The following GAD2 variants were observed in gnomAD, a reference collection of about 807,000 sequenced individuals.
GAD2 encodes glutamate decarboxylase 2.
Under a neutral mutation model 80.1 loss-of-function variants are expected in GAD2, and 22 were observed. That is an observed-to-expected ratio of 0.27 (90% CI 0.20 to 0.39). The LOEUF is 0.39. Ranked by LOEUF, GAD2 falls within the 10% of genes least tolerant of loss-of-function variation. The probability of loss-of-function intolerance (pLI) is 1.00; values close to 1 mark genes in which losing one functional copy is unlikely to be tolerated. For missense variants in GAD2, 624 were observed against 738.4 expected (o/e 0.85, Z 1.80); for synonymous variants, 274 against 256.9 (o/e 1.07, Z -0.64).
chr10:26,282,574 G>A (rs1845283372), intron 12 of GAD2, among the ~76,000 whole-genome samples: 1 of 151,778 alleles, frequency 6.6e-6, no homozygotes, highest in African/African-American at 2.4e-5. Context: ...TGATTTTAAT[G>A]GCCTCATATT....
At chr10:26,299,664 A>G (rs77141772) in intron 15 of GAD2, among the ~76,000 whole-genome samples, 10,491 of 152,290 alleles carry the variant, frequency 0.069, 447 homozygotes, top group Non-Finnish European at 0.098. Flanking sequence ...GCCCTCCAGG[A>G]CCTGACAGTT....
chr10:26,257,732 C>T (rs1844961019), intron 8 of GAD2, among the ~76,000 whole-genome samples: 1 of 152,332 alleles, frequency 6.6e-6, no homozygotes, highest in Admixed American at 6.5e-5. Flanking sequence ...AGTTAGACTA[C>T]ACTTCCCTGT....
intron 10 of GAD2, among the ~76,000 whole-genome samples, chr10:26,272,154 A>G (rs1172613086): frequency 1.3e-5 from 2 of 152,262 alleles, no homozygotes; most frequent in Non-Finnish European, 2.9e-5. Flanking sequence ...AGCAATCACC[A>G]ATGTTCTTTA....
In GAD2 at chr10:26,275,718, C is replaced by T. The variant is rs537036302; in HGVS notation, c.1157+2018C>T. ...CCACAAGTTTAGGAAAGAAATGTGT[C>T]TCACTTAGGGAATGACATTTTTCCA... On this transcript the variant is annotated intron_variant, in intron 11 of 15. Transcript: ENST00000376261. Among the ~76,000 whole-genome samples the T allele has an allele frequency of 2.0e-5, 3 of 152,352 alleles. No homozygotes were observed. The East Asian group carries it at 5.8e-4, about 29-fold the overall frequency.
intron 10 of GAD2, 91 bp downstream of exon 10, chr10:26,270,847 C>A: frequency 1.2e-6 from 1 of 868,734 alleles, no homozygotes; most frequent in Non-Finnish European, 1.9e-6. Context: ...CTTTTTTTAA[C>A]TTGGTCAGCT....
In GAD2 at chr10:26,303,562, T is replaced by G. The variant is rs1216789068; in HGVS notation, c.*2601T>G. On this transcript the variant is annotated 3_prime_UTR_variant, in exon 16 of 16. Coordinates refer to ENST00000376261, the MANE Select transcript of GAD2 (RefSeq NM_001134366.2). The stretch of plus-strand genomic sequence containing the variant: ...TTAGCCCAAATTCCCAGTGCCATGG[T>G]CTTTATGTGTGCCCATTCTTTACAA... The G allele has an allele frequency of 1.3e-5, 2 of 151,608 alleles. No homozygotes were observed. Among genetic ancestry groups the G allele is most frequent in the African/African-American group, 4.8e-5 (2 of 41,342 alleles). 9.4% of individuals were successfully genotyped at this position (151,608 alleles called of 1,614,324 possible).
chr10:26,294,583 C>T (rs1478649277), intron 15 of GAD2, among the ~76,000 whole-genome samples: 1 of 152,114 alleles, frequency 6.6e-6, no homozygotes, highest in Non-Finnish European at 1.5e-5. Flanking sequence ...CTAGATGATT[C>T]CAATGTGCAC....
intron 12 of GAD2, among the ~76,000 whole-genome samples, chr10:26,284,298 G>T (rs1845304237): frequency 6.6e-6 from 1 of 152,164 alleles, no homozygotes; most frequent in Non-Finnish European, 1.5e-5. Flanking sequence ...GCTTACTGGG[G>T]CCCTTAATAT....
Position 26,216,999 on chromosome 10 carries a change from G to C in GAD2, c.76+114G>C, listed in dbSNP as rs945755049. 8.9e-6 allele frequency: 8 copies of C among 894,030 alleles called. No homozygotes were observed. In the Admixed American group the frequency reaches 9.1e-5, roughly 10 times the overall value. The allele number at this position is 894,030 out of a possible 1,614,324, so 55.4% of individuals were successfully genotyped here. A position where few individuals can be genotyped will look rare whatever the true frequency, so the allele number is the denominator to read the frequency against. ...CACCTGCAACAGGAAACTTCTTCGG[G>C]CGCTTCTCCCTGCTTTTGGGCTAAG... is the stretch of plus-strand genomic sequence containing the variant. On this transcript the variant is annotated intron_variant, in intron 1 of 15. Coordinates refer to ENST00000376261, the MANE Select transcript of GAD2 (RefSeq NM_001134366.2). This position sits in a 1 kb window ranked among gnomAD's most constrained non-coding sequence, Gnocchi z 4.7.
chr10:26,300,676 T>C, intron 15 of GAD2, 112 bp from the exon 16 acceptor site: 1 of 907,532 alleles, frequency 1.1e-6, no homozygotes. Flanking sequence ...GAGAAAACAA[T>C]AAGGTTCTGA....
In GAD2 at chr10:26,301,150, C is replaced by G. The variant is rs1451403622; in HGVS notation, c.*189C>G. On this transcript the variant is annotated 3_prime_UTR_variant, in exon 16 of 16. Transcript: ENST00000376261. Reference sequence around the variant, plus strand: ...GTCCTTTCTTAAGTTTAGAATACCTCTCTAAGAATTCGTGACAAAAGGCTA... The same window carrying G: ...GTCCTTTCTTAAGTTTAGAATACCTGTCTAAGAATTCGTGACAAAAGGCTA... 1 of 564,606 alleles carries G rather than the reference C, an allele frequency of 1.8e-6. No homozygotes were observed. Among genetic ancestry groups the G allele is most frequent in the Non-Finnish European group, 3.1e-6 (1 of 318,550 alleles). 35.0% of individuals were successfully genotyped at this position (564,606 alleles called of 1,614,324 possible). A position where few individuals can be genotyped will look rare whatever the true frequency, so the allele number is the denominator to read the frequency against.
At chr10:26,249,043 T>G (rs2132290332) in intron 8 of GAD2, among the ~76,000 whole-genome samples, 1 of 152,214 alleles carries the variant, frequency 6.6e-6, no homozygotes, top group East Asian at 1.9e-4. Context: ...GGCAAACACA[T>G]TTTGGAAAAG....
At chr10:26,288,700 A>G (rs1327600183) in intron 13 of GAD2, among the ~76,000 whole-genome samples, 1 of 152,194 alleles carries the variant, frequency 6.6e-6, no homozygotes, top group African/African-American at 2.4e-5. Flanking sequence ...TACTTCAAGT[A>G]TCATTCTTTG....
At chr10:26,233,852 G>A (rs917876175) in intron 7 of GAD2, among the ~76,000 whole-genome samples, 5 of 152,180 alleles carry the variant, frequency 3.3e-5, no homozygotes, top group Non-Finnish European at 5.9e-5. Flanking sequence ...TGTTGACTCA[G>A]TGAGGAGAGG....
chr10:26,218,555 A>T (rs57204137), intron 3 of GAD2, among the ~76,000 whole-genome samples: 27,621 of 126,122 alleles, frequency 0.22, 2,866 homozygotes, highest in African/African-American at 0.39. Flanking sequence ...TCTCTCTCAC[A>T]CACACACACA....
At chr10:26,287,132 T>C (rs1457080235) in intron 13 of GAD2, among the ~76,000 whole-genome samples, 1 of 152,234 alleles carries the variant, frequency 6.6e-6, no homozygotes, top group African/African-American at 2.4e-5. Context: ...CCTACATTTA[T>C]GTTTAAATGT....
chr10:26,240,851 G>A (rs7893528), intron 7 of GAD2, among the ~76,000 whole-genome samples: 10,836 of 151,896 alleles, frequency 0.071, 1,266 homozygotes, highest in African/African-American at 0.24. Context: ...CCTGGCTAAC[G>A]CGGTGAAACC....
chr10:26,245,153 CAAAAAAAA>C lies in GAD2; in HGVS notation c.841-759_841-752del, dbSNP rs1229625147. Among the ~76,000 whole-genome samples, 4 of 52,330 alleles carry C rather than the reference CAAAAAAAA, an allele frequency of 7.6e-5. 1 individual carries two copies. The South Asian group carries it at 3.2e-3, about 41-fold the overall frequency. The allele number at this position is 52,330 out of a possible 152,430, so 34.3% of individuals were successfully genotyped here. A position where few individuals can be genotyped will look rare whatever the true frequency, so the allele number is the denominator to read the frequency against. Reference sequence around the variant, plus strand: ...GGGCGACAAGAGCAAAACTCTGTCTCAAAAAAAAAAAAAAAAGAAAAAAGAAAAAAGTT... The same window carrying C: ...GGGCGACAAGAGCAAAACTCTGTCTCAAAAAAAAGAAAAAAGAAAAAAGTT... On this transcript the variant is annotated intron_variant, in intron 7 of 15. Coordinates refer to ENST00000376261, the MANE Select transcript of GAD2 (RefSeq NM_001134366.2).
chr10:26,231,309 C>G (rs1190820910), intron 7 of GAD2, among the ~76,000 whole-genome samples: 1 of 152,074 alleles, frequency 6.6e-6, no homozygotes, highest in Non-Finnish European at 1.5e-5. Flanking sequence ...AGATCCAGAT[C>G]CACCATGAAC....
Sources: allele counts gnomAD v4.1 joint callset (sites outside exome capture counted in the v4.1 genomes callset), GRCh38; gene constraint gnomAD v4.1.1; non-coding constraint Gnocchi (gnomAD v3.1); transcripts MANE v1.5; gene names NCBI Gene and HGNC (gene_info 2026-07-23, HGNC 2026-07-21).